The following NBEA variants were observed in gnomAD, a reference collection of about 807,000 sequenced individuals.
NBEA encodes neurobeachin.
Under a neutral mutation model 343.4 loss-of-function variants are expected in NBEA, and 44 were observed. That is an observed-to-expected ratio of 0.13 (90% CI 0.10 to 0.16). The LOEUF (loss-of-function observed/expected upper bound fraction) is 0.16. Among genes scored for constraint, NBEA ranks in the 10% least tolerant of loss-of-function variants. NBEA has a pLI of 1.00. For missense variants in NBEA, 2,555 were observed against 3,631.3 expected (o/e 0.70, Z 7.62); for synonymous variants, 1,175 against 1,238.7 (o/e 0.95, Z 1.08).
chr13:35,517,589 T>C (rs1429115500), intron 41 of NBEA, among the ~76,000 whole-genome samples: 2 of 152,228 alleles, frequency 1.3e-5, no homozygotes, highest in Non-Finnish European at 2.9e-5. Flanking sequence ...CTTTAGCCTA[T>C]TGGAGTTTAT....
intron 41 of NBEA, among the ~76,000 whole-genome samples, chr13:35,541,725 G>GGTGTGTGTGTGTGTGTGTGTGTGT (rs3075505): frequency 4.1e-5 from 6 of 145,218 alleles, no homozygotes; most frequent in Non-Finnish European, 7.6e-5. Flanking sequence ...GGTCTGCATG[G>GGTGTGTGTGTGTGTGTGTGTGTGT]GTGTGTGTGT....
intron 45 of NBEA, among the ~76,000 whole-genome samples, chr13:35,580,461 A>G (rs891675434): frequency 2.0e-5 from 3 of 152,310 alleles, no homozygotes; most frequent in Admixed American, 2.0e-4. Context: ...TGATATTGAC[A>G]TTGCAGTATT....
chr13:35,298,598 A>C (rs141225949), intron 35 of NBEA, among the ~76,000 whole-genome samples: 1 of 152,088 alleles, frequency 6.6e-6, no homozygotes, highest in African/African-American at 2.4e-5. Flanking sequence ...CTCTCTTTAA[A>C]AATATCTTGT....
chr13:35,645,527 A>G (rs890989145), intron 49 of NBEA, among the ~76,000 whole-genome samples: 4 of 152,142 alleles, frequency 2.6e-5, no homozygotes, highest in African/African-American at 9.7e-5. Context: ...GAGGCTATAA[A>G]ATCTCATTTC....
chr13:35,499,904 C>T (rs905887867), intron 41 of NBEA, among the ~76,000 whole-genome samples: 4 of 152,058 alleles, frequency 2.6e-5, no homozygotes, highest in African/African-American at 9.7e-5. Context: ...AGAGCCTGAG[C>T]TTTGTTCCTC....
chr13:35,387,876 C>T (rs533187985), intron 38 of NBEA, among the ~76,000 whole-genome samples: 1 of 152,148 alleles, frequency 6.6e-6, no homozygotes, highest in African/African-American at 2.4e-5. Context: ...TGAAATGAAC[C>T]TCCTATCCCC....
intron 38 of NBEA, among the ~76,000 whole-genome samples, chr13:35,401,004 C>G: frequency 6.6e-6 from 1 of 151,788 alleles, no homozygotes; most frequent in East Asian, 1.9e-4. Flanking sequence ...TCTTTTTGCC[C>G]CAGCAGAATT....
intron 1 of NBEA, among the ~76,000 whole-genome samples, chr13:34,987,584 A>C (rs1208138945): frequency 6.6e-6 from 1 of 150,954 alleles, no homozygotes; most frequent in African/African-American, 2.4e-5. Flanking sequence ...GATCCTGAAG[A>C]GTATTTTCCA....
intron 17 of NBEA, among the ~76,000 whole-genome samples, chr13:35,124,629 C>T (rs1367291311): frequency 7.3e-6 from 1 of 136,560 alleles, no homozygotes; most frequent in African/African-American, 2.5e-5. Flanking sequence ...TATGGATATA[C>T]ATACACACAC....
At chr13:35,216,104 C>T (rs1017100436) in intron 33 of NBEA, among the ~76,000 whole-genome samples, 2 of 151,406 alleles carry the variant, frequency 1.3e-5, no homozygotes, top group African/African-American at 4.8e-5. Flanking sequence ...ATAGCTATTG[C>T]TTTTCAATAT....
Position 35,173,478 on chromosome 13 carries a change from G to A in NBEA, c.4438G>A (p.Val1480Met). 1 of 1,607,802 alleles carries A rather than the reference G, an allele frequency of 6.2e-7. No homozygotes were observed. Among genetic ancestry groups the A allele is most frequent in the Non-Finnish European group, 8.5e-7 (1 of 1,176,350 alleles). Residue 1480 changes from valine to methionine, a missense_variant, in exon 27 of 59, where the codon GTG becomes ATG. Physicochemically the swap from Val to Met is conservative, Grantham distance 21 (BLOSUM62 1). This residue lies in a region of NBEA where 168 missense variants were observed against 193.0 expected (regional missense o/e 0.87). Transcript: ENST00000379939. ...QCLRLVCCVA[V>M]RNCLECRQRQ... ...TTTTTAAATAGTTTGTTGTGTTGCT[G>A]TGAGAAACTGTTTAGAATGTCGGCA... is the stretch of plus-strand genomic sequence containing the variant.
chr13:35,409,268 C>T (rs1483361618), intron 38 of NBEA, among the ~76,000 whole-genome samples: 2 of 152,038 alleles, frequency 1.3e-5, no homozygotes, highest in Non-Finnish European at 2.9e-5. Context: ...CACGTGTTCT[C>T]ACTTGTAAAT....
chr13:35,322,363 C>A (rs759886885), intron 36 of NBEA, among the ~76,000 whole-genome samples: 2 of 152,192 alleles, frequency 1.3e-5, no homozygotes, highest in Non-Finnish European at 2.9e-5. Flanking sequence ...AGTTCCCTGA[C>A]CCCTTGTGCT....
Position 34,979,991 on chromosome 13 carries a change from A to AC in NBEA, c.294+36879dup, listed in dbSNP as rs532896290. On this transcript the variant is annotated intron_variant, in intron 1 of 58. Coordinates refer to ENST00000379939, the MANE Select transcript of NBEA (RefSeq NM_001385012.1). The stretch of plus-strand genomic sequence containing the variant: ...GCTTTTTCTATTGGATTGCTGTAGT[A>AC]CCTTTGAAGAAAGTTGAATGATGTG... Among the ~76,000 whole-genome samples, 470 of 152,274 alleles carry AC rather than the reference A, an allele frequency of 3.1e-3. 1 individual carries two copies. The highest frequency in any genetic ancestry group is 5.4e-3 in the Non-Finnish European group (370 of 68,008).
intron 24 of NBEA, chr13:35,165,194 A>T (rs964083512): frequency 5.9e-6 from 3 of 509,062 alleles, no homozygotes; most frequent in Non-Finnish European, 1.2e-5. Flanking sequence ...AGTTGGTGAG[A>T]CACTGTTTCC....
At chr13:35,428,237 C>G (rs1259634709) in intron 38 of NBEA, among the ~76,000 whole-genome samples, 1 of 152,186 alleles carries the variant, frequency 6.6e-6, no homozygotes, top group Admixed American at 6.5e-5. Flanking sequence ...ACGCTGGGAG[C>G]TGTAGACCGG....
chr13:35,163,238 A>C (rs576309043), intron 23 of NBEA, among the ~76,000 whole-genome samples: 7 of 152,162 alleles, frequency 4.6e-5, no homozygotes, highest in Non-Finnish European at 8.8e-5. Flanking sequence ...AGAGAGAAAC[A>C]TCTTGAAATT....
At chr13:35,254,229 AG>A (rs1052405864) in intron 34 of NBEA, among the ~76,000 whole-genome samples, 3 of 151,984 alleles carry the variant, frequency 2.0e-5, no homozygotes, top group African/African-American at 7.2e-5. Context: ...CAGAATCTTC[AG>A]GGGTAATATT....
At chr13:35,524,494 C>T (rs1181429254) in intron 41 of NBEA, among the ~76,000 whole-genome samples, 1 of 152,164 alleles carries the variant, frequency 6.6e-6, no homozygotes, top group Non-Finnish European at 1.5e-5. Context: ...AATAACTCCA[C>T]AGGTTATTTA....
Sources: allele counts gnomAD v4.1 joint callset (sites outside exome capture counted in the v4.1 genomes callset), GRCh38; gene constraint gnomAD v4.1.1; regional missense constraint gnomAD v4.1.1; transcripts MANE v1.5; gene names NCBI Gene and HGNC (gene_info 2026-07-23, HGNC 2026-07-21).